Variants in DMXL2 observed in about 807,000 individuals in gnomAD.
DMXL2 encodes Dmx like 2, also known as dmX-like protein 2.
A neutral mutation model predicts 331.1 loss-of-function variants in DMXL2; 103 were observed. That is an observed-to-expected ratio of 0.31 (90% CI 0.27 to 0.37). The LOEUF (loss-of-function observed/expected upper bound fraction) is 0.37, where lower values mean the gene tolerates loss of function less well. Ranked by LOEUF, DMXL2 falls within the 10% of genes least tolerant of loss-of-function variation. The pLI, the probability that DMXL2 is intolerant of heterozygous loss-of-function variation, is 1.00. For synonymous variants in DMXL2, 1,281 were observed against 1,252.1 expected, an observed-to-expected ratio of 1.02 and a Z score of -0.49; for missense variants, 3,171 against 3,642.9, an observed-to-expected ratio of 0.87 and a Z score of 3.33.
intron 1 of DMXL2, among the ~76,000 whole-genome samples, chr15:51,609,110 C>T (rs1211553826): frequency 3.3e-5 from 5 of 151,830 alleles, no homozygotes; most frequent in African/African-American, 1.2e-4. Flanking sequence ...AAGAATGCAT[C>T]CTGTAATTTC....
rs1051017287 is a variant in DMXL2 at position 51,456,294 on chromosome 15, G to A, written c.8398+15C>T. The A allele has an allele frequency of 6.3e-7, 1 of 1,595,404 alleles. No individual in the cohort carries two copies. Among genetic ancestry groups the A allele is most frequent in the Non-Finnish European group, 8.5e-7 (1 of 1,171,254 alleles). On this transcript the variant is annotated intron_variant, in intron 38 of 43. Transcript: ENST00000560891. The stretch of plus-strand genomic sequence containing the variant: ...AAATGAGGACACTTACAATTATTAG[G>A]TCATAAATACTTACAGTATTGATGG...
chr15:51,578,925 T>C (rs546281351), intron 1 of DMXL2, among the ~76,000 whole-genome samples: 1 of 152,134 alleles, frequency 6.6e-6, no homozygotes, highest in African/African-American at 2.4e-5. Flanking sequence ...GGAAACACAG[T>C]GAGACTTCAT....
chr15:51,536,611 C>A lies in DMXL2; in HGVS notation c.1869G>T (p.Gln623His). 6.2e-7 allele frequency: 1 copy of A among 1,614,080 alleles called. No homozygotes were observed. Among genetic ancestry groups the A allele is most frequent in the South Asian group, 1.1e-5 (1 of 91,082 alleles). ...ACTTATCAGCAAAAGTGACTGCCCACTGATTTAAAGAACCATCTATGTGTT... is the reference window on the plus strand; with the variant it reads ...ACTTATCAGCAAAAGTGACTGCCCAATGATTTAAAGAACCATCTATGTGTT... ...ISKHIDGSLNQWAVTFADKSA... is the reference protein window; with the variant it reads ...ISKHIDGSLNHWAVTFADKSA... The change falls in exon 12 of 44, where the codon CAG becomes CAT. Residue 623 changes from glutamine (Q) to histidine (H), a missense_variant. This residue lies in a region of DMXL2 where 1,674 missense variants were observed against 1,780.2 expected (regional missense o/e 0.94). Coordinates refer to ENST00000560891, the MANE Select transcript of DMXL2 (RefSeq NM_001378457.1).
At chr15:51,602,700 T>G (rs1396615565) in intron 1 of DMXL2, among the ~76,000 whole-genome samples, 1 of 152,198 alleles carries the variant, frequency 6.6e-6, no homozygotes, top group Non-Finnish European at 1.5e-5. Context: ...CATCACAGGA[T>G]AGAGTATATT....
chr15:51,554,947 C>T (rs540155708), intron 6 of DMXL2, among the ~76,000 whole-genome samples: 111 of 152,274 alleles, frequency 7.3e-4, no homozygotes, highest in Non-Finnish European at 1.3e-3. Context: ...CACTTGAGGC[C>T]AGGAGTTCGA....
At chr15:51,542,616 T>C in intron 8 of DMXL2, 109 bp from the exon 9 acceptor site, 1 of 783,346 alleles carries the variant, frequency 1.3e-6, no homozygotes, top group Non-Finnish European at 1.9e-6. Context: ...CATAAAAACC[T>C]GATCATTTTA....
intron 18 of DMXL2, 54 bp from the exon 19 acceptor site, chr15:51,495,188 A>G: frequency 9.0e-7 from 1 of 1,105,450 alleles, no homozygotes; most frequent in Admixed American, 1.8e-5. Flanking sequence ...AGAGGCCACA[A>G]ACTGATAAGC....
intron 33 of DMXL2, among the ~76,000 whole-genome samples, chr15:51,460,965 C>T (rs2040059053): frequency 6.6e-6 from 1 of 152,188 alleles, no homozygotes; most frequent in South Asian, 2.1e-4. Flanking sequence ...TACTCAGTAA[C>T]CACATGTGGC....
intron 1 of DMXL2, among the ~76,000 whole-genome samples, chr15:51,595,698 T>C (rs1006684114): frequency 6.6e-5 from 10 of 152,140 alleles, no homozygotes; most frequent in South Asian, 2.1e-4. Flanking sequence ...ACCAAAACAG[T>C]ATGGTACTGG....
chr15:51,493,380 T>C (rs974786135), intron 19 of DMXL2, among the ~76,000 whole-genome samples: 1 of 152,150 alleles, frequency 6.6e-6, no homozygotes, highest in Admixed American at 6.5e-5. Flanking sequence ...CACACAGACA[T>C]GTCAGAAGAA....
At chr15:51,524,787 G>A (rs921497859) in intron 13 of DMXL2, among the ~76,000 whole-genome samples, 3 of 152,014 alleles carry the variant, frequency 2.0e-5, no homozygotes, top group African/African-American at 7.3e-5. Context: ...AGGTTCTCTG[G>A]GGCCTTAAAT....
intron 25 of DMXL2, among the ~76,000 whole-genome samples, chr15:51,479,704 A>T (rs1177525152): frequency 1.3e-5 from 2 of 152,242 alleles, no homozygotes; most frequent in Non-Finnish European, 2.9e-5. Context: ...TAGCAAGAAT[A>T]CTGTCAAGAA....
intron 13 of DMXL2, among the ~76,000 whole-genome samples, chr15:51,525,381 G>A (rs890191831): frequency 6.6e-6 from 1 of 152,056 alleles, no homozygotes; most frequent in Admixed American, 6.6e-5. Flanking sequence ...TGCTCGCTTC[G>A]ACAGCACATA....
intron 1 of DMXL2, among the ~76,000 whole-genome samples, chr15:51,610,497 G>A (rs1028788244): frequency 3.3e-5 from 5 of 152,130 alleles, no homozygotes; most frequent in Non-Finnish European, 7.4e-5. Flanking sequence ...GGCCAGGCAC[G>A]GTGGCTCACG....
intron 17 of DMXL2, among the ~76,000 whole-genome samples, chr15:51,502,057 C>A (rs1345485266): frequency 6.6e-6 from 1 of 151,170 alleles, no homozygotes; most frequent in African/African-American, 2.4e-5. Context: ...GGTGAAACCC[C>A]GTCTCTACTA....
rs553359021 is a variant in DMXL2, at chr15:51,586,619, T to A, written c.88-10438A>T. 3.9e-5 allele frequency among the ~76,000 whole-genome samples: 6 copies of A among 152,164 alleles called. No individual in the cohort carries two copies. In the South Asian group the frequency reaches 1.2e-3, roughly 32 times the overall value. ...CTAGCCAATTTTGATAATTTACTAATAGATGGAGCTATAACAAACTTCTAA... is the reference window on the plus strand; with the variant it reads ...CTAGCCAATTTTGATAATTTACTAAAAGATGGAGCTATAACAAACTTCTAA... On this transcript the variant is annotated intron_variant, in intron 1 of 43. Coordinates refer to ENST00000560891, the MANE Select transcript of DMXL2 (RefSeq NM_001378457.1).
intron 1 of DMXL2, among the ~76,000 whole-genome samples, chr15:51,604,192 A>G (rs1235537765): frequency 2.6e-5 from 4 of 151,814 alleles, no homozygotes; most frequent in African/African-American, 7.2e-5. Context: ...GCACTTGACA[A>G]TACTCAAGAT....
chr15:51,485,239 G>A (rs1473568681), intron 23 of DMXL2, among the ~76,000 whole-genome samples: 1 of 152,126 alleles, frequency 6.6e-6, no homozygotes, highest in Non-Finnish European at 1.5e-5. Context: ...AGGCATCTAG[G>A]TCCAGGGTGT....
intron 1 of DMXL2, among the ~76,000 whole-genome samples, chr15:51,596,454 C>T (rs2052813307): frequency 6.6e-6 from 1 of 152,172 alleles, no homozygotes. Context: ...GAAATAGGAA[C>T]ACTTTTACAC....
Sources: allele counts gnomAD v4.1 joint callset (sites outside exome capture counted in the v4.1 genomes callset), GRCh38; gene constraint gnomAD v4.1.1; regional missense constraint gnomAD v4.1.1; transcripts MANE v1.5; gene names NCBI Gene and HGNC (gene_info 2026-07-23, HGNC 2026-07-21).